Variants in RNF121 observed in about 807,000 individuals in gnomAD.
RNF121 encodes the protein ring finger protein 121.
In RNF121, 21 loss-of-function variants were observed where a neutral mutation model predicts 46.5. The observed-to-expected ratio is 0.45, with a 90% CI of 0.32 to 0.65. The LOEUF (loss-of-function observed/expected upper bound fraction) is 0.65. Ranked by LOEUF, RNF121 falls within the 30% of genes least tolerant of loss-of-function variation. The pLI is 0.04. For synonymous variants in RNF121, 139 were observed against 144.7 expected (o/e 0.96, Z 0.28); for missense variants, 346 against 416.0 (o/e 0.83, Z 1.46).
intron 1 of RNF121, among the ~76,000 whole-genome samples, chr11:71,946,255 C>T (rs1953714654): frequency 6.6e-6 from 1 of 152,158 alleles, no homozygotes; most frequent in African/African-American, 2.4e-5. Flanking sequence ...AATGTGTCTG[C>T]CTATGCAATG....
chr11:71,952,324 A>G (rs959828166), intron 1 of RNF121, among the ~76,000 whole-genome samples: 1 of 152,240 alleles, frequency 6.6e-6, no homozygotes, highest in Non-Finnish European at 1.5e-5. Context: ...TGCAGGGAAC[A>G]TGGAGAGTGA....
intron 1 of RNF121, among the ~76,000 whole-genome samples, chr11:71,947,066 A>G (rs551121586): frequency 2.0e-5 from 3 of 151,790 alleles, no homozygotes; most frequent in South Asian, 4.2e-4. Context: ...GGGTTTCACC[A>G]TGTTGCCCAT....
chr11:71,994,803 A>G lies in RNF121; in HGVS notation c.712A>G (p.Ser238Gly). 1 of 1,614,172 alleles carries G rather than the reference A, an allele frequency of 6.2e-7. No homozygotes were observed. Among genetic ancestry groups the G allele is most frequent in the Non-Finnish European group, 8.5e-7 (1 of 1,180,020 alleles). ...TGGGCAGCAGATCTTTGTGGACGTC[A>G]GTGAAGAGGGGATCATTGAGAACAC... is the stretch of plus-strand genomic sequence containing the variant. Reference protein sequence around the residue: ...VCGQQIFVDVSEEGIIENTYR... With the variant: ...VCGQQIFVDVGEEGIIENTYR... The change falls in exon 7 of 9, where the codon AGT becomes GGT. Residue 238 changes from serine to glycine, a missense_variant. Ser to Gly is a moderately conservative substitution (Grantham distance 56, BLOSUM62 0). Coordinates refer to ENST00000361756, the MANE Select transcript of RNF121 (RefSeq NM_018320.5).
intron 6 of RNF121, among the ~76,000 whole-genome samples, chr11:71,991,590 C>A (rs1411390068): frequency 6.6e-6 from 1 of 152,122 alleles, no homozygotes. Context: ...TCAAAGATGG[C>A]TTCCTTGAAG....
intron 1 of RNF121, among the ~76,000 whole-genome samples, chr11:71,942,275 G>A (rs1483392740): frequency 1.3e-5 from 2 of 152,042 alleles, no homozygotes; most frequent in East Asian, 3.9e-4. Flanking sequence ...AGTGATGTGA[G>A]CTGATTTTCA....
chr11:71,975,576 G>A (rs1028728888), intron 3 of RNF121, among the ~76,000 whole-genome samples: 3 of 152,180 alleles, frequency 2.0e-5, no homozygotes, highest in Admixed American at 6.5e-5. Flanking sequence ...CTCCATTAAA[G>A]CACTTAATTG....
intron 6 of RNF121, 32 bp downstream of exon 6, chr11:71,990,749 C>A (rs1474374873): frequency 3.7e-6 from 6 of 1,611,024 alleles, no homozygotes; most frequent in Non-Finnish European, 5.1e-6. Context: ...AATACTGCTT[C>A]TTGACACCTC....
chr11:71,964,464 A>G (rs995179915), intron 3 of RNF121, among the ~76,000 whole-genome samples: 1 of 150,876 alleles, frequency 6.6e-6, no homozygotes, highest in Non-Finnish European at 1.5e-5. Context: ...TTCTTTTCCA[A>G]TTGGATACCT....
chr11:71,987,848 G>A (rs1173033184), intron 5 of RNF121, among the ~76,000 whole-genome samples: 1 of 152,214 alleles, frequency 6.6e-6, no homozygotes, highest in African/African-American at 2.4e-5. Context: ...AGTAGACTCA[G>A]AGCTTAGGTG....
At chr11:71,933,865 G>T (rs1953334684) in intron 1 of RNF121, among the ~76,000 whole-genome samples, 1 of 152,208 alleles carries the variant, frequency 6.6e-6, no homozygotes, top group Non-Finnish European at 1.5e-5. Flanking sequence ...ACCATTTACT[G>T]GATGTTTGTG....
At chr11:71,974,128 A>G (rs1246748305) in intron 3 of RNF121, among the ~76,000 whole-genome samples, 3 of 152,076 alleles carry the variant, frequency 2.0e-5, no homozygotes, top group Non-Finnish European at 4.4e-5. Context: ...TTTTTAGTAG[A>G]GACGGGGTTT....
At chr11:71,995,631 C>T in intron 8 of RNF121, 80 bp downstream of exon 8, 1 of 1,102,810 alleles carries the variant, frequency 9.1e-7, no homozygotes, top group East Asian at 2.6e-5. Flanking sequence ...TTGGGTCCTC[C>T]TGGGGCCCTC....
chr11:71,994,690 T>C, intron 6 of RNF121, 29 bp from the exon 7 acceptor site: 1 of 1,613,738 alleles, frequency 6.2e-7, no homozygotes. Context: ...CATCTTTTCC[T>C]ATCTTTCCTT....
At chr11:71,990,915 C>A in intron 6 of RNF121, 198 bp downstream of exon 6, 1 of 643,426 alleles carries the variant, frequency 1.6e-6, no homozygotes, top group Non-Finnish European at 2.6e-6. Flanking sequence ...AAACCATGTG[C>A]GTTGCAGCAA....
intron 1 of RNF121, among the ~76,000 whole-genome samples, chr11:71,933,341 C>G (rs1377907192): frequency 1.3e-5 from 2 of 152,156 alleles, no homozygotes; most frequent in Non-Finnish European, 2.9e-5. Flanking sequence ...GTTTCTAACT[C>G]AAGCCAGAGT....
chr11:71,959,638 T>TTC (rs1190819714), intron 2 of RNF121, among the ~76,000 whole-genome samples: 11 of 127,296 alleles, frequency 8.6e-5, no homozygotes, highest in African/African-American at 3.8e-4. Flanking sequence ...TCTCTTCTTC[T>TTC]TTTTTTTTTT....
intron 1 of RNF121, among the ~76,000 whole-genome samples, chr11:71,951,557 T>C (rs2134165979): frequency 6.6e-6 from 1 of 151,598 alleles, no homozygotes; most frequent in South Asian, 2.1e-4. Flanking sequence ...GCCCAGGGAT[T>C]TGAGGCTCTA....
At chr11:71,962,210 C>T (rs1003532438) in intron 3 of RNF121, 24 of 277,742 alleles carry the variant, frequency 8.6e-5, no homozygotes, top group Admixed American at 1.9e-4. Flanking sequence ...CCTTGTGATC[C>T]GCCTCGGCCT....
chr11:71,942,321 A>G (rs1953592077), intron 1 of RNF121, among the ~76,000 whole-genome samples: 1 of 152,160 alleles, frequency 6.6e-6, no homozygotes, highest in African/African-American at 2.4e-5. Flanking sequence ...TTTGAGAAGA[A>G]TGGATTGTAG....
Sources: allele counts gnomAD v4.1 joint callset (sites outside exome capture counted in the v4.1 genomes callset), GRCh38; gene constraint gnomAD v4.1.1; transcripts MANE v1.5; gene names NCBI Gene and HGNC (gene_info 2026-07-23, HGNC 2026-07-21).